The following FCER1A variants were observed in gnomAD, a reference collection of about 807,000 sequenced individuals.
The protein encoded by FCER1A is high affinity immunoglobulin epsilon receptor subunit alpha.
A neutral mutation model predicts 23.6 loss-of-function variants in FCER1A; 24 were observed. The observed-to-expected ratio is 1.02, with a 90% confidence interval of 0.74 to 1.43. The LOEUF (loss-of-function observed/expected upper bound fraction) is 1.43. Among genes scored for constraint, FCER1A ranks in the 40% most tolerant of loss-of-function variants. FCER1A has a pLI of 0.00. For missense variants in FCER1A, 318 were observed against 294.5 expected (o/e 1.08, Z -0.58); for synonymous variants, 121 against 108.8 (o/e 1.11, Z -0.70).
At chr1:159,292,230 G>T (rs1342662754) in intron 1 of FCER1A, among the ~76,000 whole-genome samples, 2 of 151,872 alleles carry the variant, frequency 1.3e-5, no homozygotes, top group South Asian at 2.1e-4. Context: ...CATTTCTACT[G>T]GTCTCTCAAC....
intron 2 of FCER1A, 80 bp from the exon 3 acceptor site, chr1:159,303,848 G>A (rs1040631585): frequency 1.7e-5 from 19 of 1,092,856 alleles, no homozygotes; most frequent in South Asian, 6.1e-5. Context: ...ATATTGCTTC[G>A]TTTGTACTTT....
Position 159,307,758 on chromosome 1 carries a change from GAAGTACTGGCTAC to G in FCER1A, c.603_615del (p.Lys201AsnfsTer9). 6.2e-7 allele frequency: 1 copy of G among 1,602,516 alleles called. No homozygotes were observed. The highest frequency in any genetic ancestry group is 8.5e-7 in the Non-Finnish European group (1 of 1,171,184). ...TGTGTTCCACTACAGCTCCGCGTGA[GAAGTACTGGCTAC>G]AATTTTTTATCCCATTGTTGGTGGT... On this transcript the variant is annotated frameshift_variant, in exon 5 of 5. Transcript: ENST00000693622. LOFTEE classifies it low-confidence loss of function (END_TRUNC).
chr1:159,302,726 G>T, intron 1 of FCER1A, 128 bp from the exon 2 acceptor site: 1 of 865,560 alleles, frequency 1.2e-6, no homozygotes. Context: ...CCCTGATTCT[G>T]ATTCCTGAAA....
rs999540382 is a variant in FCER1A at position 159,305,975 on chromosome 1, G to C, written c.332-13G>C. On this transcript the variant is annotated splice_polypyrimidine_tract_variant and intron_variant, in intron 3 of 4. Coordinates refer to ENST00000693622, the MANE Select transcript of FCER1A (RefSeq NM_001387280.1). ...TTTATTGTTAAATAAATAATGTAAT[G>C]AATGTTCTTCAGACTGGCTGCTCCT... 1 of 1,611,510 alleles carries C rather than the reference G, an allele frequency of 6.2e-7. No homozygotes were observed. The highest frequency in any genetic ancestry group is 1.7e-5 in the Admixed American group (1 of 59,926).
At position 159,302,747 on chromosome 1, in the gene FCER1A, T is replaced by C. The variant is rs543210024; in HGVS notation, c.56-107T>C. 15 of 982,878 alleles carry C rather than the reference T, an allele frequency of 1.5e-5. No individual in the cohort carries two copies. In the Admixed American group the frequency reaches 1.8e-4, roughly 12 times the overall value. 60.9% of individuals were successfully genotyped at this position (982,878 alleles called of 1,614,324 possible). A position where few individuals can be genotyped will look rare whatever the true frequency, so the allele number is the denominator to read the frequency against. On this transcript the variant is annotated intron_variant, in intron 1 of 4. Coordinates refer to ENST00000693622, the MANE Select transcript of FCER1A (RefSeq NM_001387280.1). ...TTCTGATTCCTGAAAAGACGGTTGG[T>C]CCTTAAAATTCCATGGATGTAGATC... is the stretch of plus-strand genomic sequence containing the variant.
Position 159,302,337 on chromosome 1 carries a change from C to G in FCER1A, c.-28C>G, listed in dbSNP as rs768281281. 1.9e-6 allele frequency: 3 copies of G among 1,546,394 alleles called. No individual in the cohort carries two copies. The highest frequency in any genetic ancestry group is 4.5e-5 in the East Asian group (2 of 44,600). On this transcript the variant is annotated 5_prime_UTR_variant, in exon 1 of 5. Coordinates refer to ENST00000693622, the MANE Select transcript of FCER1A (RefSeq NM_001387280.1). Reference sequence around the variant, plus strand: ...TTTGAAGCCTTAGATCTCTCCAGCACAGTAAGCACCAGGAGTCCATGAAGA... The same window carrying G: ...TTTGAAGCCTTAGATCTCTCCAGCAGAGTAAGCACCAGGAGTCCATGAAGA...
upstream of FCER1A, among the ~76,000 whole-genome samples, chr1:159,285,084 G>C (rs1651982973): frequency 6.6e-6 from 1 of 152,116 alleles, no homozygotes; most frequent in Non-Finnish European, 1.5e-5. Context: ...GTGTGTGTAC[G>C]TGTGTGGGTG....
chr1:159,298,281 T>C (rs1186408598), upstream of FCER1A, among the ~76,000 whole-genome samples: 2 of 152,138 alleles, frequency 1.3e-5, no homozygotes, highest in East Asian at 1.9e-4. Context: ...TTTTCTCCCC[T>C]CCAAATCTCA....
upstream of FCER1A, among the ~76,000 whole-genome samples, chr1:159,298,284 A>C (rs1363832144): frequency 6.6e-6 from 1 of 152,152 alleles, no homozygotes; most frequent in East Asian, 1.9e-4. Flanking sequence ...TCTCCCCTCC[A>C]AATCTCATGT....
upstream of FCER1A, among the ~76,000 whole-genome samples, chr1:159,289,496 T>C (rs1389948897): frequency 6.6e-6 from 1 of 152,190 alleles, no homozygotes; most frequent in Non-Finnish European, 1.5e-5. Flanking sequence ...GGTGTAAACA[T>C]GAAATCATTA....
upstream of FCER1A, among the ~76,000 whole-genome samples, chr1:159,287,801 A>G (rs1432581440): frequency 1.3e-5 from 2 of 149,556 alleles, no homozygotes; most frequent in East Asian, 3.9e-4. Flanking sequence ...ATATGTGTGC[A>G]GATAGATAAA....
chr1:159,289,088 G>A (rs940663160), upstream of FCER1A, among the ~76,000 whole-genome samples: 5 of 152,036 alleles, frequency 3.3e-5, no homozygotes, highest in Non-Finnish European at 5.9e-5. Context: ...CATGGTTATC[G>A]TCAGTCCTGC....
chr1:159,296,274 AC>A (rs1460297410), intron 1 of FCER1A, among the ~76,000 whole-genome samples: 2 of 152,130 alleles, frequency 1.3e-5, no homozygotes, highest in Non-Finnish European at 2.9e-5. Context: ...TACCTCTGCT[AC>A]TTACACACAC....
intron 3 of FCER1A, among the ~76,000 whole-genome samples, chr1:159,305,574 A>T (rs1326287945): frequency 6.6e-6 from 1 of 152,248 alleles, no homozygotes; most frequent in Admixed American, 6.5e-5. Flanking sequence ...GACAACTATA[A>T]TTAACACTAG....
chr1:159,294,967 C>A (rs546212711), intron 1 of FCER1A, among the ~76,000 whole-genome samples: 6 of 152,274 alleles, frequency 3.9e-5, no homozygotes, highest in Admixed American at 3.9e-4. Context: ...CAAATGCTAA[C>A]TTTAATGAGA....
intron 1 of FCER1A, among the ~76,000 whole-genome samples, chr1:159,296,226 C>T (rs945025741): frequency 3.3e-5 from 5 of 152,014 alleles, no homozygotes; most frequent in Admixed American, 6.6e-5. Flanking sequence ...AAGGAAGCCC[C>T]CTTAAACTGT....
At chr1:159,296,032 A>G (rs1652285385) in intron 1 of FCER1A, among the ~76,000 whole-genome samples, 1 of 152,224 alleles carries the variant, frequency 6.6e-6, no homozygotes, top group Non-Finnish European at 1.5e-5. Context: ...ATCAAATAAC[A>G]TGTAATAACA....
intron 1 of FCER1A, among the ~76,000 whole-genome samples, chr1:159,293,614 A>G (rs1313848304): frequency 1.4e-5 from 2 of 138,022 alleles, no homozygotes; most frequent in African/African-American, 2.7e-5. Context: ...TCATTGTTCA[A>G]TTCCCATCTA....
chr1:159,294,030 C>T (rs1343325097), intron 1 of FCER1A, among the ~76,000 whole-genome samples: 3 of 152,074 alleles, frequency 2.0e-5, no homozygotes, highest in Admixed American at 2.0e-4. Flanking sequence ...TACCATCTCA[C>T]ACCAGTTAGA....
Sources: gnomAD v4.1 joint callset for allele counts (sites outside exome capture counted in the v4.1 genomes callset) on GRCh38, gnomAD v4.1.1 for gene constraint, MANE v1.5 for transcripts, NCBI Gene and HGNC (gene_info 2026-07-23, HGNC 2026-07-21) for gene names.